The following SLC9B1 variants were observed in gnomAD, a reference collection of about 807,000 sequenced individuals.
SLC9B1 encodes solute carrier family 9 member B1, also known as sodium/hydrogen exchanger 9B1.
SLC9B1 carries 32 observed loss-of-function variants against 51.7 expected under a neutral mutation model. The ratio of observed to expected loss-of-function variants is 0.62; its 90% CI spans 0.47 to 0.83. The LOEUF is 0.83. Ranked by LOEUF, SLC9B1 falls within the 40% of genes least tolerant of loss-of-function variation. The pLI is 0.00. For synonymous variants in SLC9B1, 145 were observed against 212.7 expected, an observed-to-expected ratio of 0.68 and a Z score of 2.77; for missense variants, 406 against 613.2, an observed-to-expected ratio of 0.66 and a Z score of 3.57.
At chr4:102,886,725 C>T (rs1733941468) in intron 11 of SLC9B1, among the ~76,000 whole-genome samples, 1 of 151,054 alleles carries the variant, frequency 6.6e-6, no homozygotes, top group African/African-American at 2.4e-5. Context: ...AAGGAATTCT[C>T]CCACCTCAGC....
chr4:103,018,402 T>TA, intron 1 of SLC9B1, among the ~76,000 whole-genome samples: 1 of 152,142 alleles, frequency 6.6e-6, no homozygotes, highest in Admixed American at 6.5e-5. Flanking sequence ...AAAAGTAAGT[T>TA]AAAAAAAATT....
chr4:102,954,552 A>G (rs1239179052), intron 3 of SLC9B1, among the ~76,000 whole-genome samples: 1 of 151,958 alleles, frequency 6.6e-6, no homozygotes, highest in Non-Finnish European at 1.5e-5. Flanking sequence ...GCAACAATAG[A>G]AGATGGAAGA....
chr4:102,955,565 G>A (rs1467386115), intron 3 of SLC9B1, among the ~76,000 whole-genome samples: 1 of 152,084 alleles, frequency 6.6e-6, no homozygotes, highest in Non-Finnish European at 1.5e-5. Context: ...CAATGGTTTT[G>A]CCAGTTAAAT....
intron 1 of SLC9B1, among the ~76,000 whole-genome samples, chr4:102,994,177 G>T (rs1374227485): frequency 6.6e-6 from 1 of 152,054 alleles, no homozygotes; most frequent in African/African-American, 2.4e-5. Flanking sequence ...GCATCATCAG[G>T]CTGCAATTTT....
At chr4:102,990,972 C>G (rs1739911919) in intron 2 of SLC9B1, among the ~76,000 whole-genome samples, 1 of 152,018 alleles carries the variant, frequency 6.6e-6, no homozygotes, top group East Asian at 1.9e-4. Context: ...GGGATAAAGA[C>G]ACAATGGTGA....
intron 3 of SLC9B1, among the ~76,000 whole-genome samples, chr4:102,959,117 G>A (rs759224200): frequency 5.3e-5 from 8 of 152,062 alleles, no homozygotes; most frequent in Non-Finnish European, 1.2e-4. Context: ...AACTATTACT[G>A]TACAGGACTT....
chr4:102,947,249 A>T (rs921418575), intron 4 of SLC9B1, among the ~76,000 whole-genome samples: 1 of 152,252 alleles, frequency 6.6e-6, no homozygotes, highest in African/African-American at 2.4e-5. Flanking sequence ...AAGCTAGAGC[A>T]AAAGAGAAAG....
intron 11 of SLC9B1, among the ~76,000 whole-genome samples, chr4:102,905,209 G>GTTTATTTATTTATTTATTTATTTA (rs138082740): frequency 0.052 from 7,582 of 145,980 alleles, 205 homozygotes; most frequent in Admixed American, 0.056. Context: ...CTTTGTTTTT[G>GTTTATTTATTTATTTATTTATTTA]TTTATTTATT....
chr4:103,010,772 C>T (rs746921123), intron 1 of SLC9B1, among the ~76,000 whole-genome samples: 29 of 152,270 alleles, frequency 1.9e-4, no homozygotes, highest in Non-Finnish European at 3.2e-4. Context: ...GGGCATTAAT[C>T]CATTTATGAG....
At chr4:102,978,077 C>T (rs193068281) in intron 3 of SLC9B1, among the ~76,000 whole-genome samples, 9 of 152,158 alleles carry the variant, frequency 5.9e-5, no homozygotes, top group East Asian at 3.9e-4. Flanking sequence ...TTTGTCCTTG[C>T]GATAGTTTGC....
intron 11 of SLC9B1, chr4:102,892,648 TG>T (rs1302407513): frequency 2.6e-5 from 4 of 152,340 alleles, no homozygotes; most frequent in Admixed American, 2.0e-4. Flanking sequence ...CTTAGAACAC[TG>T]TTGTCAGATA....
chr4:102,941,711 G>A (rs1428928818), intron 6 of SLC9B1, among the ~76,000 whole-genome samples: 1 of 150,112 alleles, frequency 6.7e-6, no homozygotes, highest in Non-Finnish European at 1.5e-5. Flanking sequence ...TATACTGAAT[G>A]GGGAAAAGTT....
At chr4:102,895,809 A>G (rs2110415349) in intron 11 of SLC9B1, among the ~76,000 whole-genome samples, 1 of 152,292 alleles carries the variant, frequency 6.6e-6, no homozygotes, top group African/African-American at 2.4e-5. Flanking sequence ...AACAAATCTA[A>G]AAGAAATGAG....
At chr4:102,959,691 G>A (rs1173449593) in intron 3 of SLC9B1, among the ~76,000 whole-genome samples, 2 of 152,318 alleles carry the variant, frequency 1.3e-5, no homozygotes, top group Non-Finnish European at 2.9e-5. Context: ...CAAGGAGCCA[G>A]AAGGACACTC....
chr4:102,901,444 A>G, intron 11 of SLC9B1, 112 bp from the exon 12 acceptor site: 1 of 1,246,054 alleles, frequency 8.0e-7, no homozygotes, highest in Non-Finnish European at 1.1e-6. Context: ...TATTAGAAAA[A>G]AAAAGTACTC....
downstream of SLC9B1, chr4:102,898,327 T>A (rs1578327832): frequency 6.3e-6 from 2 of 319,294 alleles, no homozygotes; most frequent in South Asian, 6.0e-5. Context: ...ATGGAAAAAA[T>A]TTGTAAAGTA....
intron 3 of SLC9B1, 83 bp from the exon 4 acceptor site, chr4:102,949,510 T>C: frequency 9.0e-7 from 1 of 1,113,682 alleles, no homozygotes; most frequent in Non-Finnish European, 1.2e-6. Flanking sequence ...TTTTATCATA[T>C]ATACTAATAG....
chr4:102,915,595 C>T (rs1233332217), intron 7 of SLC9B1, among the ~76,000 whole-genome samples: 1 of 152,164 alleles, frequency 6.6e-6, no homozygotes, highest in African/African-American at 2.4e-5. Context: ...TAAGGTCTTG[C>T]TGGTCTCAAA....
chr4:102,934,173 G>A (rs958474557), intron 6 of SLC9B1, among the ~76,000 whole-genome samples: 20 of 152,226 alleles, frequency 1.3e-4, no homozygotes, highest in African/African-American at 4.1e-4. Context: ...TTGACAAGCT[G>A]ATTATAAAAT....
Sources: gnomAD v4.1 joint callset for allele counts (sites outside exome capture counted in the v4.1 genomes callset) on GRCh38, gnomAD v4.1.1 for gene constraint, MANE v1.5 for transcripts, NCBI Gene and HGNC (gene_info 2026-07-23, HGNC 2026-07-21) for gene names.